The following VPS41 variants were observed in gnomAD, a reference collection of about 807,000 sequenced individuals.
VPS41 encodes vacuolar protein sorting-associated protein 41 homolog.
A neutral mutation model predicts 130.9 loss-of-function variants in VPS41; 85 were observed. That is an observed-to-expected ratio of 0.65 (90% CI 0.55 to 0.78). The LOEUF is 0.78. Among genes scored for constraint, VPS41 ranks in the 30% least tolerant of loss-of-function variants. The pLI is 0.00. For synonymous variants in VPS41, 335 were observed against 332.9 expected, an observed-to-expected ratio of 1.01 and a Z score of -0.07; for missense variants, 874 against 1,018.7, an observed-to-expected ratio of 0.86 and a Z score of 1.93.
rs776961087 is a variant in VPS41, at chr7:38,758,462, C to G, written c.1442G>C (p.Arg481Pro). 1 of 1,612,428 alleles carries G rather than the reference C, an allele frequency of 6.2e-7. No homozygotes were observed. Among genetic ancestry groups the G allele is most frequent in the Non-Finnish European group, 8.5e-7 (1 of 1,179,540 alleles). Residue 481 changes from arginine (R) to proline (P), a missense_variant, in exon 18 of 29, where the codon CGA (arginine) becomes CCA (proline). Physicochemically the swap from Arg to Pro is moderately radical, Grantham distance 103. Transcript: ENST00000310301. ...SDYEGFATLIREWPGDLYNNS... is the reference protein window; with the variant it reads ...SDYEGFATLIPEWPGDLYNNS... ...ATTATACAGATCTCCAGGCCATTCT[C>G]GGATCAATGTGGCAAAACCCTAACC...
intron 8 of VPS41, chr7:38,796,447 C>CT (rs552654862): frequency 4.6e-4 from 234 of 506,386 alleles, no homozygotes; most frequent in African/African-American, 4.2e-3. Flanking sequence ...ATTTTCAAGA[C>CT]CCATTCCCAA....
chr7:38,733,736 A>G (rs537723875), intron 25 of VPS41, among the ~76,000 whole-genome samples: 22 of 152,326 alleles, frequency 1.4e-4, no homozygotes, highest in Admixed American at 8.5e-4. Context: ...TAAATTAAAC[A>G]GCACCATTAT....
intron 2 of VPS41, among the ~76,000 whole-genome samples, chr7:38,886,406 C>CG (rs1786732460): frequency 1.3e-5 from 2 of 152,240 alleles, no homozygotes; most frequent in Non-Finnish European, 2.9e-5. Context: ...GCTAACGCAG[C>CG]AGTCTAAGAT....
chr7:38,781,142 C>T (rs945905453), intron 10 of VPS41, among the ~76,000 whole-genome samples: 6 of 151,970 alleles, frequency 3.9e-5, no homozygotes, highest in African/African-American at 1.2e-4. Flanking sequence ...GACTACACCA[C>T]GATAAAGAGT....
At chr7:38,742,149 C>A in intron 24 of VPS41, 28 bp from the exon 25 acceptor site, 1 of 1,572,372 alleles carries the variant, frequency 6.4e-7, no homozygotes, top group Non-Finnish European at 8.6e-7. Context: ...AAACAATGAA[C>A]ATATAAGCAA....
At chr7:38,850,963 A>G (rs1261431251) in intron 4 of VPS41, among the ~76,000 whole-genome samples, 1 of 152,210 alleles carries the variant, frequency 6.6e-6, no homozygotes, top group Admixed American at 6.5e-5. Flanking sequence ...ACCTAACTGC[A>G]GGGAAATGTA....
At chr7:38,755,092 G>T (rs1314803596) in intron 19 of VPS41, among the ~76,000 whole-genome samples, 156 bp from the exon 20 acceptor site, 1 of 152,212 alleles carries the variant, frequency 6.6e-6, no homozygotes, top group Non-Finnish European at 1.5e-5. Context: ...TATGGAAAAT[G>T]ACATTTGTGA....
At chr7:38,908,011 A>C (rs746688074) in intron 1 of VPS41, among the ~76,000 whole-genome samples, 1 of 152,222 alleles carries the variant, frequency 6.6e-6, no homozygotes, top group Non-Finnish European at 1.5e-5. Context: ...GACCAGCCAA[A>C]CCAAATTTCT....
At chr7:38,871,978 A>G (rs749113014) in intron 2 of VPS41, among the ~76,000 whole-genome samples, 1 of 152,220 alleles carries the variant, frequency 6.6e-6, no homozygotes. Context: ...GTACTGATTT[A>G]AAACAACAAT....
At chr7:38,746,971 A>G (rs2115670997) in intron 22 of VPS41, among the ~76,000 whole-genome samples, 1 of 152,144 alleles carries the variant, frequency 6.6e-6, no homozygotes, top group African/African-American at 2.4e-5. Flanking sequence ...CAGCAGGGCC[A>G]CTCCACCAAC....
At chr7:38,788,880 T>C (rs1162677552) in intron 10 of VPS41, among the ~76,000 whole-genome samples, 1 of 152,236 alleles carries the variant, frequency 6.6e-6, no homozygotes, top group Admixed American at 6.5e-5. Context: ...ATGTGGGTAA[T>C]GTATGTCTTT....
At chr7:38,771,934 C>T (rs1784160852) in intron 13 of VPS41, among the ~76,000 whole-genome samples, 1 of 151,916 alleles carries the variant, frequency 6.6e-6, no homozygotes, top group African/African-American at 2.4e-5. Context: ...TGGTGACAAA[C>T]TTAGTACAAC....
At chr7:38,830,176 T>C (rs1785358056) in intron 5 of VPS41, 78 bp downstream of exon 5, 2 of 866,026 alleles carry the variant, frequency 2.3e-6, no homozygotes, top group Middle Eastern at 2.2e-4. Flanking sequence ...AATGCAGTTA[T>C]ATAGTAAGCA....
intron 4 of VPS41, among the ~76,000 whole-genome samples, chr7:38,832,862 C>G (rs1785419143): frequency 6.6e-6 from 1 of 152,114 alleles, no homozygotes; most frequent in African/African-American, 2.4e-5. Context: ...ACATTTTTAT[C>G]TCCAGGCAGG....
intron 2 of VPS41, among the ~76,000 whole-genome samples, chr7:38,895,440 G>C (rs1385516537): frequency 6.7e-6 from 1 of 150,012 alleles, no homozygotes; most frequent in Admixed American, 6.7e-5. Flanking sequence ...ATTGTTTTCT[G>C]CTACTGAAAC....
chr7:38,852,451 C>T (rs1025158881), intron 4 of VPS41, among the ~76,000 whole-genome samples: 12 of 152,312 alleles, frequency 7.9e-5, no homozygotes, highest in African/African-American at 2.9e-4. Context: ...CTTACTAAAT[C>T]TCCTTGGTTG....
intron 10 of VPS41, among the ~76,000 whole-genome samples, chr7:38,782,069 C>T (rs1432603876): frequency 6.6e-6 from 1 of 152,176 alleles, no homozygotes; most frequent in Non-Finnish European, 1.5e-5. Flanking sequence ...TCTGAGATTT[C>T]CTGGCTCAGC....
At chr7:38,806,537 T>G (rs1428814504) in intron 7 of VPS41, among the ~76,000 whole-genome samples, 1 of 152,090 alleles carries the variant, frequency 6.6e-6, no homozygotes, top group Non-Finnish European at 1.5e-5. Flanking sequence ...TTGAGATTAC[T>G]CTAAACATTC....
chr7:38,802,144 G>A (rs939785050), intron 7 of VPS41, among the ~76,000 whole-genome samples: 1 of 152,282 alleles, frequency 6.6e-6, no homozygotes, highest in East Asian at 1.9e-4. Flanking sequence ...TTTAAGGTTA[G>A]CCTTCCTCTA....
Sources: allele counts gnomAD v4.1 joint callset (sites outside exome capture counted in the v4.1 genomes callset), GRCh38; gene constraint gnomAD v4.1.1; transcripts MANE v1.5; gene names NCBI Gene and HGNC (gene_info 2026-07-23, HGNC 2026-07-21).